ADAMTSL3: variants seen among roughly 807,000 people sequenced by gnomAD.
The protein encoded by ADAMTSL3 is ADAMTS like 3.
A neutral mutation model predicts 201.7 loss-of-function variants in ADAMTSL3; 128 were observed. The ratio of observed to expected loss-of-function variants is 0.63; its 90% CI spans 0.55 to 0.73. ADAMTSL3 has a LOEUF of 0.73. Among genes scored for constraint, ADAMTSL3 ranks in the 30% least tolerant of loss-of-function variants. The probability of loss-of-function intolerance (pLI) is 0.00; values close to 1 mark genes in which losing one functional copy is unlikely to be tolerated. For synonymous variants in ADAMTSL3, 738 were observed against 748.4 expected (o/e 0.99, Z 0.23); for missense variants, 1,990 against 2,119.6 (o/e 0.94, Z 1.20).
rs553692886 is a variant in ADAMTSL3 at position 83,923,931 on chromosome 15, T to C, written c.2015T>C (p.Leu672Ser). The change falls in exon 17 of 30, where the codon TTA (leucine) becomes TCA (serine). Residue 672 changes from leucine (L) to serine (S), a missense_variant. Leu to Ser is a moderately radical substitution (Grantham distance 145). Coordinates refer to ENST00000286744, the MANE Select transcript of ADAMTSL3 (RefSeq NM_207517.3). ...CATCAAGAAGCCATAGCAGTGTGCT[T>C]ACATATCCAGACCCAGCAGACAGTC... is the stretch of plus-strand genomic sequence containing the variant. ...GGHQEAIAVC[L>S]HIQTQQTVND... 4.3e-6 allele frequency: 7 copies of C among 1,614,058 alleles called. No individual in the cohort carries two copies. The highest frequency in any genetic ancestry group is 1.1e-5 in the South Asian group (1 of 91,090).
chr15:83,845,538 C>T (rs7162542), intron 7 of ADAMTSL3, among the ~76,000 whole-genome samples: 1 of 152,014 alleles, frequency 6.6e-6, no homozygotes, highest in Admixed American at 6.5e-5. Context: ...TCACTTACTG[C>T]GACCTCAACT....
At chr15:83,869,781 G>A (rs945254300) in intron 8 of ADAMTSL3, among the ~76,000 whole-genome samples, 1 of 152,154 alleles carries the variant, frequency 6.6e-6, no homozygotes, top group South Asian at 2.1e-4. Flanking sequence ...TGATATCATT[G>A]AATCAAGTGT....
chr15:83,743,217 A>G (rs1241797056), intron 3 of ADAMTSL3, among the ~76,000 whole-genome samples: 1 of 152,128 alleles, frequency 6.6e-6, no homozygotes, highest in African/African-American at 2.4e-5. Flanking sequence ...CCTGTCTAAC[A>G]TTTACTTTTT....
At chr15:83,984,064 T>G (rs1334150168) in intron 21 of ADAMTSL3, among the ~76,000 whole-genome samples, 1 of 152,228 alleles carries the variant, frequency 6.6e-6, no homozygotes, top group African/African-American at 2.4e-5. Flanking sequence ...TCTATGCCAG[T>G]GTAAAAATGT....
chr15:83,929,855 T>C (rs917895169), intron 17 of ADAMTSL3, among the ~76,000 whole-genome samples: 11 of 151,964 alleles, frequency 7.2e-5, no homozygotes, highest in African/African-American at 2.2e-4. Context: ...TTATGCACCA[T>C]GACCCACACT....
chr15:83,787,150 C>T (rs1160953179), intron 4 of ADAMTSL3, among the ~76,000 whole-genome samples: 1 of 152,126 alleles, frequency 6.6e-6, no homozygotes, highest in East Asian at 1.9e-4. Context: ...ATTGGCAATT[C>T]TCACTCTTTA....
chr15:83,851,603 A>G (rs1259929473), intron 7 of ADAMTSL3, among the ~76,000 whole-genome samples: 1 of 152,184 alleles, frequency 6.6e-6, no homozygotes, highest in East Asian at 1.9e-4. Context: ...TTTTTATTAC[A>G]TATATAATAT....
intron 4 of ADAMTSL3, among the ~76,000 whole-genome samples, chr15:83,801,669 T>TATAA (rs1555445612): frequency 2.1e-5 from 1 of 48,180 alleles, no homozygotes; most frequent in Non-Finnish European, 4.2e-5. Flanking sequence ...TATATATATA[T>TATAA]ATATATATAT....
At chr15:83,764,394 C>T (rs917424695) in intron 3 of ADAMTSL3, among the ~76,000 whole-genome samples, 7 of 152,090 alleles carry the variant, frequency 4.6e-5, no homozygotes, top group East Asian at 3.9e-4. Context: ...TTCCCTGCCC[C>T]GCGCTCCACC....
chr15:83,970,404 A>T (rs2067172787), intron 19 of ADAMTSL3, 80 bp from the exon 20 acceptor site: 1 of 1,539,092 alleles, frequency 6.5e-7, no homozygotes, highest in Non-Finnish European at 8.9e-7. Flanking sequence ...CTCTTGTTTC[A>T]CCCTTGGAGA....
rs143956567 is a variant in ADAMTSL3 at position 83,955,929 on chromosome 15, G to A, written c.2490+12847G>A. Among the ~76,000 whole-genome samples, 8 of 152,136 alleles carry A rather than the reference G, an allele frequency of 5.3e-5. No homozygotes were observed. The East Asian group carries it at 1.5e-3, about 29-fold the overall frequency. On this transcript the variant is annotated intron_variant, in intron 19 of 29. Transcript: ENST00000286744. ...TACTTCCCCAGCTGCCCCATCTGGT[G>A]TGTCACTAGGTCACACACTGCCCCA...
intron 4 of ADAMTSL3, among the ~76,000 whole-genome samples, chr15:83,790,428 T>C (rs2141823140): frequency 6.6e-6 from 1 of 151,728 alleles, no homozygotes; most frequent in South Asian, 2.1e-4. Context: ...TGTTTCAGTA[T>C]TTGAAAGTCA....
chr15:83,815,810 TA>T (rs1476849606), intron 5 of ADAMTSL3, among the ~76,000 whole-genome samples: 1 of 152,238 alleles, frequency 6.6e-6, no homozygotes, highest in Non-Finnish European at 1.5e-5. Context: ...GACTAGTGGC[TA>T]AAAACTTTCT....
At chr15:83,925,618 C>T (rs907211873) in intron 17 of ADAMTSL3, among the ~76,000 whole-genome samples, 1 of 152,142 alleles carries the variant, frequency 6.6e-6, no homozygotes, top group East Asian at 1.9e-4. Flanking sequence ...TCTACTTTGT[C>T]AAGTATGTCC....
At position 84,016,484 on chromosome 15, in the gene ADAMTSL3, G is replaced by A. The variant is rs149903189; in HGVS notation, c.4258G>A (p.Glu1420Lys). Residue 1420 changes from glutamate (E) to lysine (K), a missense_variant, in exon 25 of 30, where the codon GAA (glutamate) becomes AAA (lysine). By Grantham distance (56) the Glu-to-Lys change is moderately conservative. Transcript: ENST00000286744. Reference sequence around the variant, plus strand: ...AACCAACAGCAATGACCCAACAGGAGAACCCCCGCCTCAAGGTCTGGGATT... The same window carrying A: ...AACCAACAGCAATGACCCAACAGGAAAACCCCCGCCTCAAGGTCTGGGATT... ...TRTNSNDPTG[E>K]PPPQEPFWEP... 6.2e-7 allele frequency: 1 copy of A among 1,613,530 alleles called. No homozygotes were observed. The highest frequency in any genetic ancestry group is 8.5e-7 in the Non-Finnish European group (1 of 1,179,610).
intron 3 of ADAMTSL3, among the ~76,000 whole-genome samples, chr15:83,747,392 G>C (rs182385646): frequency 1.1e-4 from 16 of 152,242 alleles, no homozygotes; most frequent in African/African-American, 3.9e-4. Context: ...CCCCACTTTG[G>C]TCAGTTTCTG....
intron 3 of ADAMTSL3, among the ~76,000 whole-genome samples, chr15:83,769,848 T>G (rs187452773): frequency 1.4e-3 from 213 of 151,966 alleles, no homozygotes; most frequent in African/African-American, 5.0e-3. Context: ...ACCTTTGCAG[T>G]ATCTAGTTCA....
chr15:83,675,361 G>A (rs950701715), intron 2 of ADAMTSL3, among the ~76,000 whole-genome samples: 8 of 151,756 alleles, frequency 5.3e-5, no homozygotes, highest in East Asian at 1.9e-4. Flanking sequence ...GCTCTTTTCC[G>A]CATCAGTTTA....
chr15:83,816,024 C>A (rs946096353), intron 5 of ADAMTSL3, among the ~76,000 whole-genome samples: 4 of 152,218 alleles, frequency 2.6e-5, no homozygotes, highest in Non-Finnish European at 4.4e-5. Flanking sequence ...AGGGGATTCA[C>A]TGGATGGATA....
Sources: gnomAD v4.1 joint callset for allele counts (sites outside exome capture counted in the v4.1 genomes callset) on GRCh38, gnomAD v4.1.1 for gene constraint, MANE v1.5 for transcripts, NCBI Gene and HGNC (gene_info 2026-07-23, HGNC 2026-07-21) for gene names.